The following SCRN1 variants were observed in gnomAD, a reference collection of about 807,000 sequenced individuals.
SCRN1 encodes secernin-1.
In SCRN1, 19 loss-of-function variants were observed where a neutral mutation model predicts 43.3. That is an observed-to-expected ratio of 0.44 (90% CI 0.31 to 0.64). SCRN1 has a LOEUF of 0.64. Ranked by LOEUF, SCRN1 falls within the 30% of genes least tolerant of loss-of-function variation. The pLI, the probability that SCRN1 is intolerant of heterozygous loss-of-function variation, is 0.09. For synonymous variants in SCRN1, 183 were observed against 188.9 expected, an observed-to-expected ratio of 0.97 and a Z score of 0.26; for missense variants, 447 against 524.1, an observed-to-expected ratio of 0.85 and a Z score of 1.44.
chr7:29,949,120 C>T lies in SCRN1; in HGVS notation c.342-4941G>A, dbSNP rs554972657. 3.3e-5 allele frequency among the ~76,000 whole-genome samples: 5 copies of T among 151,972 alleles called. No individual in the cohort carries two copies. The South Asian group carries it at 1.0e-3, about 32-fold the overall frequency. ...CACGAGGTCAGGAGATCATGACCAT[C>T]CTGGCTAACATGGTGAAATCCTGTC... On this transcript the variant is annotated intron_variant, in intron 3 of 7. Transcript: ENST00000242059.
intron 6 of SCRN1, among the ~76,000 whole-genome samples, chr7:29,929,608 C>T (rs1787090713): frequency 1.3e-5 from 2 of 152,366 alleles, no homozygotes; most frequent in South Asian, 4.1e-4. Flanking sequence ...CTACCTCCCA[C>T]AGAGCAGGGC....
chr7:29,927,193 G>A (rs1386129786), intron 6 of SCRN1, among the ~76,000 whole-genome samples: 1 of 152,158 alleles, frequency 6.6e-6, no homozygotes, highest in Admixed American at 6.5e-5. Flanking sequence ...ACAGAAGTCT[G>A]GTTGTGTGAG....
intron 1 of SCRN1, among the ~76,000 whole-genome samples, chr7:29,985,460 T>C (rs1789120177): frequency 6.6e-6 from 1 of 151,816 alleles, no homozygotes; most frequent in Non-Finnish European, 1.5e-5. Flanking sequence ...ATAAGTGGTG[T>C]GCTCAAGGCC....
intron 1 of SCRN1, among the ~76,000 whole-genome samples, chr7:29,984,791 G>C (rs56072756): frequency 0.03 from 3,640 of 122,792 alleles, 107 homozygotes; most frequent in Middle Eastern, 0.044. Context: ...CGTGGTGGCA[G>C]ACGCCTGTAA....
chr7:29,930,835 C>T (rs1787133452), intron 6 of SCRN1, among the ~76,000 whole-genome samples: 1 of 152,214 alleles, frequency 6.6e-6, no homozygotes, highest in South Asian at 2.1e-4. Flanking sequence ...AGGCACAGCC[C>T]AGCAGCCAGT....
intron 1 of SCRN1, among the ~76,000 whole-genome samples, chr7:29,983,960 C>CT (rs1320073429): frequency 6.6e-6 from 1 of 152,160 alleles, no homozygotes; most frequent in Non-Finnish European, 1.5e-5. Flanking sequence ...AATCCCAGCA[C>CT]TTTGGGAGTC....
At chr7:29,984,648 G>C (rs2127933944) in intron 1 of SCRN1, among the ~76,000 whole-genome samples, 1 of 151,856 alleles carries the variant, frequency 6.6e-6, no homozygotes, top group East Asian at 1.9e-4. Flanking sequence ...ACAAATTAAA[G>C]GGCCAGGCGT....
At chr7:29,947,629 T>G (rs1226880829) in intron 3 of SCRN1, among the ~76,000 whole-genome samples, 5 of 152,230 alleles carry the variant, frequency 3.3e-5, no homozygotes, top group Non-Finnish European at 5.9e-5. Flanking sequence ...CAGGACCTTT[T>G]GGAAATTGGA....
rs374392275 is a variant in SCRN1, at chr7:29,940,194, A to ATAAG, written c.739+487_739+488insCTTA. On this transcript the variant is annotated intron_variant, in intron 5 of 7. Coordinates refer to ENST00000242059, the MANE Select transcript of SCRN1 (RefSeq NM_014766.5). ...AACAAACAAACAAATAAATAAATAA[A>ATAAG]TAAATAAAATAAGTTAGTAACTAGT... Among the ~76,000 whole-genome samples the ATAAG allele has an allele frequency of 2.5e-3, 379 of 152,212 alleles. 7 individuals carry two copies. Among genetic ancestry groups the ATAAG allele is most frequent in the African/African-American group, 8.8e-3 (366 of 41,538 alleles).
chr7:29,925,854 C>CAAAAAAAA (rs59395122), intron 7 of SCRN1, among the ~76,000 whole-genome samples: 1 of 83,982 alleles, frequency 1.2e-5, no homozygotes, highest in African/African-American at 4.1e-5. Context: ...ACTAAAAATA[C>CAAAAAAAA]AAAAAAAAAA....
At chr7:29,926,144 C>G (rs1486834189) in intron 7 of SCRN1, among the ~76,000 whole-genome samples, 1 of 152,216 alleles carries the variant, frequency 6.6e-6, no homozygotes, top group Admixed American at 6.5e-5. Flanking sequence ...TAACAGTTAT[C>G]CCTAACGTAC....
Position 29,963,025 on chromosome 7 carries a change from T to C in SCRN1, c.159+5884A>G, listed in dbSNP as rs535271966. Reference sequence around the variant, plus strand: ...GAACTGAGACCCGGAGTCACAGCAATTCTCATTAGTCAATTCTTTAAAAAA... The same window carrying C: ...GAACTGAGACCCGGAGTCACAGCAACTCTCATTAGTCAATTCTTTAAAAAA... On this transcript the variant is annotated intron_variant, in intron 2 of 7. Transcript: ENST00000242059. Among the ~76,000 whole-genome samples, 7 of 151,868 alleles carry C rather than the reference T, an allele frequency of 4.6e-5. No homozygotes were observed. In the South Asian group the frequency reaches 1.5e-3, roughly 32 times the overall value.
At chr7:29,978,226 TTG>T (rs1430432474) in intron 1 of SCRN1, among the ~76,000 whole-genome samples, 1 of 152,202 alleles carries the variant, frequency 6.6e-6, no homozygotes, top group African/African-American at 2.4e-5. Context: ...CTGCATTAGA[TTG>T]TGTTTTTAGA....
intron 3 of SCRN1, among the ~76,000 whole-genome samples, chr7:29,945,749 G>A (rs967731064): frequency 5.3e-5 from 8 of 152,162 alleles, no homozygotes; most frequent in African/African-American, 1.9e-4. Context: ...CTCATCTGCA[G>A]ATTGAAAACA....
intron 1 of SCRN1, among the ~76,000 whole-genome samples, chr7:29,985,815 G>C (rs1789131442): frequency 6.6e-6 from 1 of 152,140 alleles, no homozygotes; most frequent in Admixed American, 6.5e-5. Context: ...CTCACTTCTT[G>C]TAGTCCCTTT....
chr7:29,926,517 G>A lies in SCRN1; in HGVS notation c.1021C>T (p.Pro341Ser). The change falls in exon 7 of 8, where the codon CCA (proline) becomes TCA (serine). Residue 341 changes from proline (P) to serine (S), a missense_variant. Coordinates refer to ENST00000242059, the MANE Select transcript of SCRN1 (RefSeq NM_014766.5). ...AKKEPRFQEK[P>S]DRRHELYKAH... Reference sequence around the variant, plus strand: ...TTGTACAGCTCATGCCGGCGGTCTGGTTTCTCCTGGAACCGAGGCTCCTTT... The same window carrying A: ...TTGTACAGCTCATGCCGGCGGTCTGATTTCTCCTGGAACCGAGGCTCCTTT... The A allele has an allele frequency of 6.2e-7, 1 of 1,614,130 alleles. No individual in the cohort carries two copies. Among genetic ancestry groups the A allele is most frequent in the Admixed American group, 1.7e-5 (1 of 60,026 alleles).
At chr7:29,946,622 C>T (rs1787747420) in intron 3 of SCRN1, among the ~76,000 whole-genome samples, 4 of 152,350 alleles carry the variant, frequency 2.6e-5, no homozygotes, top group Admixed American at 1.3e-4. Flanking sequence ...TGCACTTGCC[C>T]TCCCATGCTG....
intron 6 of SCRN1, 129 bp downstream of exon 6, chr7:29,936,427 A>C: frequency 1.3e-6 from 1 of 748,152 alleles, no homozygotes; most frequent in Non-Finnish European, 2.1e-6. Flanking sequence ...GCCCACACTG[A>C]AGCTGACTGA....
At chr7:29,989,970 T>G, upstream of SCRN1, 1 of 1,290,646 alleles carries the variant, frequency 7.7e-7, no homozygotes, top group Non-Finnish European at 9.9e-7. Flanking sequence ...GCCTGGGAGC[T>G]GGAGGAGCGG....
Sources: allele counts gnomAD v4.1 joint callset (sites outside exome capture counted in the v4.1 genomes callset), GRCh38; gene constraint gnomAD v4.1.1; transcripts MANE v1.5; gene names NCBI Gene and HGNC (gene_info 2026-07-23, HGNC 2026-07-21).